Variants in MACROD2 observed in about 807,000 individuals in gnomAD.
MACROD2 encodes the protein mono-ADP ribosylhydrolase 2, also known as ADP-ribose glycohydrolase MACROD2.
In MACROD2, 36 loss-of-function variants were observed where a neutral mutation model predicts 70.4. That is an observed-to-expected ratio of 0.51 (90% CI 0.39 to 0.68). MACROD2 has a LOEUF of 0.68. Among genes scored for constraint, MACROD2 ranks in the 30% least tolerant of loss-of-function variants. The probability of loss-of-function intolerance (pLI) is 0.00; values close to 1 mark genes in which losing one functional copy is unlikely to be tolerated. For missense variants in MACROD2, 496 were observed against 538.4 expected, an observed-to-expected ratio of 0.92 and a Z score of 0.78; for synonymous variants, 172 against 178.8, an observed-to-expected ratio of 0.96 and a Z score of 0.30.
intron 12 of MACROD2, among the ~76,000 whole-genome samples, chr20:15,944,364 A>G (rs2065791368): frequency 6.6e-6 from 1 of 152,192 alleles, no homozygotes. Context: ...TAATATACTG[A>G]TATATAAACT....
At chr20:14,080,140 G>A (rs953690147) in intron 2 of MACROD2, among the ~76,000 whole-genome samples, 1 of 152,046 alleles carries the variant, frequency 6.6e-6, no homozygotes, top group Non-Finnish European at 1.5e-5. Flanking sequence ...TCTTCAAGAG[G>A]CTTTTAGAAG....
intron 5 of MACROD2, among the ~76,000 whole-genome samples, chr20:14,729,215 A>G (rs1397402842): frequency 1.3e-5 from 2 of 152,204 alleles, no homozygotes; most frequent in Non-Finnish European, 2.9e-5. Flanking sequence ...AATATCATAG[A>G]TGATTATAAG....
At chr20:14,317,736 A>G (rs2082625914) in intron 3 of MACROD2, among the ~76,000 whole-genome samples, 1 of 152,144 alleles carries the variant, frequency 6.6e-6, no homozygotes, top group Admixed American at 6.6e-5. Context: ...TACTCAGTAC[A>G]TCATTGTTAA....
intron 8 of MACROD2, among the ~76,000 whole-genome samples, chr20:15,733,489 G>A (rs2050975186): frequency 6.6e-6 from 1 of 152,042 alleles, no homozygotes; most frequent in Non-Finnish European, 1.5e-5. Context: ...TGCATTAAAG[G>A]CTAGAAAGTT....
At chr20:15,553,990 C>A (rs2048131966) in intron 8 of MACROD2, among the ~76,000 whole-genome samples, 1 of 152,084 alleles carries the variant, frequency 6.6e-6, no homozygotes, top group Admixed American at 6.5e-5. Flanking sequence ...ACTCTGCAGA[C>A]ACTAGGAAGA....
chr20:15,869,506 G>C, intron 9 of MACROD2, among the ~76,000 whole-genome samples: 1 of 151,476 alleles, frequency 6.6e-6, no homozygotes, highest in South Asian at 2.1e-4. Flanking sequence ...TTAATATTTG[G>C]GACATCTATC....
chr20:14,785,259 C>G (rs1338078732), intron 5 of MACROD2, among the ~76,000 whole-genome samples: 1 of 151,856 alleles, frequency 6.6e-6, no homozygotes, highest in African/African-American at 2.4e-5. Flanking sequence ...GAACACTGCT[C>G]CAGGAATTAA....
intron 6 of MACROD2, among the ~76,000 whole-genome samples, chr20:15,376,452 C>T (rs574421176): frequency 6.6e-6 from 1 of 151,984 alleles, no homozygotes; most frequent in Non-Finnish European, 1.5e-5. Flanking sequence ...TTGTATTTAC[C>T]GCTGGAAAAT....
intron 8 of MACROD2, among the ~76,000 whole-genome samples, chr20:15,581,502 G>A: frequency 6.6e-6 from 1 of 152,204 alleles, no homozygotes. Context: ...ATGTAGAATT[G>A]TGTATCCTTA....
At chr20:15,132,448 G>T (rs979931327) in intron 5 of MACROD2, among the ~76,000 whole-genome samples, 1 of 151,902 alleles carries the variant, frequency 6.6e-6, no homozygotes, top group Admixed American at 6.6e-5. Context: ...ATGAATTATG[G>T]CTATTTCTAG....
intron 4 of MACROD2, among the ~76,000 whole-genome samples, chr20:14,610,224 A>G (rs1407069638): frequency 6.6e-6 from 1 of 152,190 alleles, no homozygotes; most frequent in Non-Finnish European, 1.5e-5. Context: ...CAACATTAAA[A>G]GACTTAAACT....
At chr20:14,894,971 T>G (rs1478193866) in intron 5 of MACROD2, 1 of 152,126 alleles carries the variant, frequency 6.6e-6, no homozygotes, top group East Asian at 1.9e-4. Context: ...TGGCAAGAGT[T>G]TTGATAAAAT....
At chr20:14,520,326 G>C (rs1012180502) in intron 4 of MACROD2, among the ~76,000 whole-genome samples, 1 of 152,028 alleles carries the variant, frequency 6.6e-6, no homozygotes, top group African/African-American at 2.4e-5. Context: ...CAACAAAAAA[G>C]AAAGAAAACT....
intron 4 of MACROD2, among the ~76,000 whole-genome samples, chr20:14,509,150 G>A (rs899169488): frequency 6.6e-6 from 1 of 152,004 alleles, no homozygotes; most frequent in African/African-American, 2.4e-5. Context: ...ATAAGCTATT[G>A]TAGAAAAAGG....
intron 12 of MACROD2, among the ~76,000 whole-genome samples, chr20:15,965,916 T>C (rs1189161437): frequency 6.6e-6 from 1 of 152,188 alleles, no homozygotes; most frequent in Non-Finnish European, 1.5e-5. Flanking sequence ...ACATTTGCCT[T>C]GGGGGAATTA....
intron 7 of MACROD2, among the ~76,000 whole-genome samples, chr20:15,490,131 TTTCC>T (rs111772643): frequency 0.099 from 14,029 of 141,784 alleles, 954 homozygotes; most frequent in East Asian, 0.26. Flanking sequence ...CCTCTTGGCA[TTTCC>T]TTCCTTCCTT....
At chr20:15,745,229 A>G (rs2051164506) in intron 8 of MACROD2, among the ~76,000 whole-genome samples, 1 of 152,180 alleles carries the variant, frequency 6.6e-6, no homozygotes, top group South Asian at 2.1e-4. Context: ...CCACATCATC[A>G]CACATTTATA....
At chr20:14,515,616 A>T (rs903190445) in intron 4 of MACROD2, among the ~76,000 whole-genome samples, 1 of 152,064 alleles carries the variant, frequency 6.6e-6, no homozygotes, top group Non-Finnish European at 1.5e-5. Flanking sequence ...AGAAAGACAA[A>T]TACTGCATGA....
chr20:15,226,752 G>A (rs1601257817), intron 5 of MACROD2, among the ~76,000 whole-genome samples: 1 of 152,066 alleles, frequency 6.6e-6, no homozygotes, highest in East Asian at 1.9e-4. Flanking sequence ...TATAAGGTTA[G>A]ATATTAATAA....
Sources: allele counts gnomAD v4.1 joint callset (sites outside exome capture counted in the v4.1 genomes callset), GRCh38; gene constraint gnomAD v4.1.1; transcripts MANE v1.5; gene names NCBI Gene and HGNC (gene_info 2026-07-23, HGNC 2026-07-21).